Variants in ADGRF5 observed in about 807,000 individuals in gnomAD.
ADGRF5 encodes the protein adhesion G protein-coupled receptor F5.
Under a neutral mutation model 132.3 loss-of-function variants are expected in ADGRF5, and 75 were observed. The observed-to-expected ratio is 0.57, with a 90% CI of 0.47 to 0.69. ADGRF5 has a LOEUF of 0.69. Ranked by LOEUF, ADGRF5 falls within the 30% of genes least tolerant of loss-of-function variation. The pLI, the probability that ADGRF5 is intolerant of heterozygous loss-of-function variation, is 0.00. For synonymous variants in ADGRF5, 629 were observed against 597.6 expected (o/e 1.05, Z -0.77); for missense variants, 1,516 against 1,630.6 (o/e 0.93, Z 1.21).
rs1168601153 is a variant in ADGRF5 at position 46,854,031 on chromosome 6, G to C, written c.4002C>G (p.Ser1334=). ...AAGAAGCACTGGATGAGTTTTCCAG[G>C]GATGAGCTGGTTGCTTCTGGGGTGG... is the stretch of plus-strand genomic sequence containing the variant. The part of the protein sequence containing the change: ...NVSTPEATSS[S]LENSSSASSL... Residue 1334 remains serine, a synonymous_variant, in exon 21 of 21, where the codon TCC becomes TCG. Transcript: ENST00000283296. The C allele has an allele frequency of 1.3e-5, 21 of 1,604,656 alleles. No individual in the cohort carries two copies. The highest frequency in any genetic ancestry group is 1.7e-5 in the Non-Finnish European group (20 of 1,176,886).
At chr6:46,916,553 G>T (rs181361162) in intron 1 of ADGRF5, among the ~76,000 whole-genome samples, 51 of 152,194 alleles carry the variant, frequency 3.4e-4, no homozygotes, top group African/African-American at 1.2e-3. Flanking sequence ...TTTGGACATT[G>T]GGCCACTACA....
At chr6:46,902,066 A>C (rs1774831341) in intron 2 of ADGRF5, among the ~76,000 whole-genome samples, 1 of 152,216 alleles carries the variant, frequency 6.6e-6, no homozygotes, top group Non-Finnish European at 1.5e-5. Flanking sequence ...TGGAATTTCA[A>C]AAGCCCAGTT....
intron 12 of ADGRF5, 92 bp downstream of exon 12, chr6:46,868,791 T>A: frequency 1.3e-6 from 1 of 753,026 alleles, no homozygotes; most frequent in Non-Finnish European, 2.2e-6. Context: ...GGCATAGGCA[T>A]GTCTCAAAGA....
At chr6:46,867,382 T>C (rs1172168742) in intron 12 of ADGRF5, among the ~76,000 whole-genome samples, 2 of 152,234 alleles carry the variant, frequency 1.3e-5, no homozygotes, top group Non-Finnish European at 2.9e-5. Flanking sequence ...AAGTGGCTTA[T>C]TCAAGGCCAA....
chr6:46,916,924 C>A (rs144309582), intron 1 of ADGRF5, among the ~76,000 whole-genome samples: 153 of 152,302 alleles, frequency 1.0e-3, no homozygotes, highest in African/African-American at 3.5e-3. Context: ...GAATGCATTG[C>A]TACCTTGCAG....
chr6:46,949,692 T>G (rs1255397535), intron 1 of ADGRF5, among the ~76,000 whole-genome samples: 1 of 152,214 alleles, frequency 6.6e-6, no homozygotes, highest in Non-Finnish European at 1.5e-5. Flanking sequence ...ATATTTCCAT[T>G]TTAGCTAGAG....
At chr6:46,910,642 TCTC>T (rs541221356) in intron 1 of ADGRF5, among the ~76,000 whole-genome samples, 151 of 152,106 alleles carry the variant, frequency 9.9e-4, no homozygotes, top group African/African-American at 3.5e-3. Context: ...AGCAGTCTAT[TCTC>T]CTGAGAACAA....
chr6:46,869,291 G>A (rs1770796092), intron 11 of ADGRF5, 199 bp from the exon 12 acceptor site: 10 of 1,424,680 alleles, frequency 7.0e-6, no homozygotes, highest in Non-Finnish European at 9.1e-6. Flanking sequence ...GTTCCTGGTG[G>A]TGCTCTGCAC....
intron 3 of ADGRF5, among the ~76,000 whole-genome samples, chr6:46,894,523 A>T (rs1306315092): frequency 6.6e-6 from 1 of 152,140 alleles, no homozygotes; most frequent in Non-Finnish European, 1.5e-5. Context: ...AGGCAGATAT[A>T]CCAGTCTTCC....
At chr6:46,925,892 TG>T (rs984075825), upstream of ADGRF5, among the ~76,000 whole-genome samples, 3 of 152,250 alleles carry the variant, frequency 2.0e-5, no homozygotes, top group Non-Finnish European at 4.4e-5. Context: ...CTTCATATCT[TG>T]GCAGGGTAAG....
At chr6:46,954,338 T>C (rs1403926468) in intron 1 of ADGRF5, among the ~76,000 whole-genome samples, 1 of 151,350 alleles carries the variant, frequency 6.6e-6, no homozygotes, top group African/African-American at 2.4e-5. Context: ...ACTATTTAAC[T>C]GAAAACCTCA....
At chr6:46,931,226 A>C (rs1777542870) in intron 1 of ADGRF5, among the ~76,000 whole-genome samples, 1 of 152,202 alleles carries the variant, frequency 6.6e-6, no homozygotes, top group Non-Finnish European at 1.5e-5. Flanking sequence ...GCACACAAAC[A>C]TAGAGTATCT....
intron 16 of ADGRF5, 31 bp from the exon 17 acceptor site, chr6:46,859,554 A>G (rs375810557): frequency 1.6e-4 from 214 of 1,336,752 alleles, no homozygotes; most frequent in Non-Finnish European, 2.2e-4. Flanking sequence ...GGTCAAACTA[A>G]CCAAATTCTT....
chr6:46,883,658 G>C lies in ADGRF5; in HGVS notation c.513C>G (p.Thr171=). 1 of 1,557,162 alleles carries C rather than the reference G, an allele frequency of 6.4e-7. No homozygotes were observed. Among genetic ancestry groups the C allele is most frequent in the Non-Finnish European group, 8.8e-7 (1 of 1,142,178 alleles). The change falls in exon 6 of 21, where the codon ACC becomes ACG. Residue 171 remains threonine (T), a synonymous_variant. Coordinates refer to ENST00000283296, the MANE Select transcript of ADGRF5 (RefSeq NM_001098518.2). ...CATTTAGTCTGACTCTCATGTTCAG[G>C]GTAACATCTGTTGAAAAACACAGGG... ...GPFCLLQEDV[T]LNMRVRLNVG...
intron 1 of ADGRF5, among the ~76,000 whole-genome samples, chr6:46,912,067 T>TACA (rs1259942393): frequency 1.3e-5 from 2 of 152,082 alleles, no homozygotes; most frequent in Non-Finnish European, 2.9e-5. Flanking sequence ...AATTAAAGGG[T>TACA]ACAGATCTGG....
rs923972463 is a variant in ADGRF5 at position 46,869,232 on chromosome 6, A to G, written c.1412-140T>C. The G allele has an allele frequency of 4.7e-6, 7 of 1,480,288 alleles. No individual in the cohort carries two copies. The African/African-American group carries it at 9.9e-5, about 21-fold the overall frequency. The allele number at this position is 1,480,288 out of a possible 1,614,324, so 91.7% of individuals were successfully genotyped here. On this transcript the variant is annotated intron_variant, in intron 11 of 20. Coordinates refer to ENST00000283296, the MANE Select transcript of ADGRF5 (RefSeq NM_001098518.2). ...AACCATCCTGACTCTACTCATGTCA[A>G]GGTAGAATTGGTACCTTGCTGCTCC...
Position 46,852,653 on chromosome 6 carries a change from G to A in ADGRF5, c.*1339C>T, listed in dbSNP as rs568471306. The A allele has an allele frequency of 2.6e-5, 4 of 151,030 alleles. No homozygotes were observed. The East Asian group carries it at 7.7e-4, about 29-fold the overall frequency. 9.4% of individuals were successfully genotyped at this position (151,030 alleles called of 1,614,324 possible). A position where few individuals can be genotyped will look rare whatever the true frequency, so the allele number is the denominator to read the frequency against. ...ATACACACCAAAAAAAAGCACACAT[G>A]CAGATAATTCACAAACAATCAAATC... is the stretch of plus-strand genomic sequence containing the variant. On this transcript the variant is annotated 3_prime_UTR_variant, in exon 21 of 21. Coordinates refer to ENST00000283296, the MANE Select transcript of ADGRF5 (RefSeq NM_001098518.2).
intron 2 of ADGRF5, 41 bp from the exon 3 acceptor site, chr6:46,900,124 G>A: frequency 6.7e-7 from 1 of 1,484,444 alleles, no homozygotes; most frequent in Middle Eastern, 1.7e-4. Flanking sequence ...TAACGTTAGA[G>A]AAGTCTTTTC....
At chr6:46,928,798 T>C in intron 1 of ADGRF5, among the ~76,000 whole-genome samples, 1 of 152,110 alleles carries the variant, frequency 6.6e-6, no homozygotes, top group Non-Finnish European at 1.5e-5. Context: ...TGAGATACCA[T>C]CTCACACCAG....
Sources: allele counts gnomAD v4.1 joint callset (sites outside exome capture counted in the v4.1 genomes callset), GRCh38; gene constraint gnomAD v4.1.1; transcripts MANE v1.5; gene names NCBI Gene and HGNC (gene_info 2026-07-23, HGNC 2026-07-21).